Variants in PRELID2 observed in about 807,000 individuals in gnomAD.
PRELID2 encodes the protein PRELI domain containing 2, also known as PRELI domain-containing protein 2.
In PRELID2, 25 loss-of-function variants were observed where a neutral mutation model predicts 28.4. That is an observed-to-expected ratio of 0.88 (90% CI 0.64 to 1.23). PRELID2 has a LOEUF of 1.23. PRELID2 is among the 50% of genes most tolerant of loss of function. The pLI is 0.00. For synonymous variants in PRELID2, 76 were observed against 71.6 expected (o/e 1.06, Z -0.31); for missense variants, 201 against 214.4 (o/e 0.94, Z 0.39).
At chr5:145,364,791 A>G in the PRELID2 span, among the ~76,000 whole-genome samples, 1 of 152,012 alleles carries the variant, frequency 6.6e-6, no homozygotes, top group Non-Finnish European at 1.5e-5. Context: ...GCTGGGTGGT[A>G]AAAAGCACTG....
chr5:145,588,879 T>TA (rs10707481), intron 1 of PRELID2, among the ~76,000 whole-genome samples: 15,023 of 141,014 alleles, frequency 0.11, 821 homozygotes, highest in Non-Finnish European at 0.13. Context: ...TTTTTATTGG[T>TA]AAAAAAAAAA....
chr5:145,413,457 T>C, the PRELID2 span, among the ~76,000 whole-genome samples: 1 of 152,198 alleles, frequency 6.6e-6, no homozygotes, highest in African/African-American at 2.4e-5. Context: ...AACTACCATT[T>C]GATCCAGAAT....
the PRELID2 span, among the ~76,000 whole-genome samples, chr5:145,295,742 T>C: frequency 6.6e-6 from 1 of 152,304 alleles, no homozygotes; most frequent in African/African-American, 2.4e-5. Flanking sequence ...AGCGAATTGA[T>C]GGAAGAGCCA....
chr5:145,810,364 A>C (rs1326920884), intron 4 of PRELID2, among the ~76,000 whole-genome samples: 1 of 152,232 alleles, frequency 6.6e-6, no homozygotes, highest in African/African-American at 2.4e-5. Context: ...TACAACTGCC[A>C]AGATCACTGC....
chr5:145,513,969 C>T (rs1752489151), intron 1 of PRELID2, among the ~76,000 whole-genome samples: 1 of 152,122 alleles, frequency 6.6e-6, no homozygotes, highest in East Asian at 1.9e-4. Context: ...ACCACCAGAC[C>T]TGTCTTACAA....
the PRELID2 span, among the ~76,000 whole-genome samples, chr5:145,236,792 C>A: frequency 1.3e-5 from 2 of 152,232 alleles, no homozygotes; most frequent in South Asian, 4.1e-4. Flanking sequence ...TCCTACATGC[C>A]TTCCACACCT....
intron 1 of PRELID2, among the ~76,000 whole-genome samples, chr5:145,531,592 T>C (rs1432742443): frequency 6.6e-6 from 1 of 152,130 alleles, no homozygotes; most frequent in African/African-American, 2.4e-5. Context: ...AGACAAGGAA[T>C]CTGGAAGGCC....
intron 1 of PRELID2, among the ~76,000 whole-genome samples, chr5:145,696,134 C>CT (rs1755256133): frequency 7.1e-6 from 1 of 141,490 alleles, no homozygotes; most frequent in Non-Finnish European, 1.5e-5. Flanking sequence ...GTTTCTGGCA[C>CT]ATAGTGAGCA....
At chr5:145,239,106 C>T in the PRELID2 span, among the ~76,000 whole-genome samples, 3 of 152,004 alleles carry the variant, frequency 2.0e-5, no homozygotes, top group African/African-American at 4.8e-5. Context: ...ATGAGCTCTA[C>T]GAGGGCAAGT....
intron 1 of PRELID2, among the ~76,000 whole-genome samples, chr5:145,678,960 A>C (rs1367804124): frequency 3.9e-5 from 6 of 152,198 alleles, no homozygotes; most frequent in Admixed American, 3.3e-4. Flanking sequence ...CATGAAATTC[A>C]TGTTGTCCTC....
chr5:145,618,341 CTGT>C (rs1561521538), intron 1 of PRELID2, among the ~76,000 whole-genome samples: 2 of 152,052 alleles, frequency 1.3e-5, no homozygotes, highest in Non-Finnish European at 1.5e-5. Flanking sequence ...GGGCTGAAGG[CTGT>C]TGTTCAGATT....
At chr5:145,631,188 A>T (rs757379871) in intron 1 of PRELID2, among the ~76,000 whole-genome samples, 11 of 152,140 alleles carry the variant, frequency 7.2e-5, no homozygotes, top group Non-Finnish European at 1.3e-4. Flanking sequence ...GAGTCCACTG[A>T]TCCCCCAACC....
At chr5:145,387,431 TAAGAA>T in the PRELID2 span, among the ~76,000 whole-genome samples, 3 of 152,140 alleles carry the variant, frequency 2.0e-5, no homozygotes, top group African/African-American at 7.2e-5. Flanking sequence ...TTACATTAGT[TAAGAA>T]AAGAGCCTCA....
At chr5:145,292,183 G>A in the PRELID2 span, among the ~76,000 whole-genome samples, 2 of 151,958 alleles carry the variant, frequency 1.3e-5, no homozygotes, top group South Asian at 2.1e-4. Context: ...ACCTCTAGGC[G>A]ACGAGGAAGA....
chr5:145,565,165 A>T (rs1216535410), intron 1 of PRELID2, among the ~76,000 whole-genome samples: 2 of 152,232 alleles, frequency 1.3e-5, no homozygotes, highest in Admixed American at 6.5e-5. Context: ...TTTGCCATTT[A>T]AACAGCAGTG....
intron 5 of PRELID2, among the ~76,000 whole-genome samples, chr5:145,785,762 A>G (rs1751953218): frequency 1.3e-5 from 2 of 152,218 alleles, no homozygotes; most frequent in South Asian, 4.1e-4. Flanking sequence ...ATTCTAAACA[A>G]GCACCCATCC....
At chr5:145,755,691 T>C (rs1467968762), downstream of PRELID2, among the ~76,000 whole-genome samples, 3 of 152,238 alleles carry the variant, frequency 2.0e-5, no homozygotes, top group Non-Finnish European at 4.4e-5. Context: ...CATTTTCCTA[T>C]GAACTTTTTA....
chr5:145,402,219 G>A, the PRELID2 span, among the ~76,000 whole-genome samples: 1 of 152,128 alleles, frequency 6.6e-6, no homozygotes, highest in South Asian at 2.1e-4. Flanking sequence ...CAAAGATGCA[G>A]AGACTTTTTC....
rs199568370 is a variant in PRELID2, at chr5:145,757,816, GAAA to G, written c.*2717_*2719del. Reference sequence around the variant, plus strand: ...GACCCTATCTCAAAAAAAAGTAAATGAAAAAAAAAAAAAAAAAGACCATAAAAT... The same window carrying G: ...GACCCTATCTCAAAAAAAAGTAAATGAAAAAAAAAAAAAAGACCATAAAAT... On this transcript the variant is annotated 3_prime_UTR_variant, in exon 7 of 7. Transcript: ENST00000683046. Among the ~76,000 whole-genome samples, 4 of 55,072 alleles carry G rather than the reference GAAA, an allele frequency of 7.3e-5. No homozygotes were observed. Among genetic ancestry groups the G allele is most frequent in the Admixed American group, 3.6e-4 (2 of 5,488 alleles). The allele number at this position is 55,072 out of a possible 152,430, so 36.1% of individuals were successfully genotyped here.
Sources: gnomAD v4.1 joint callset for allele counts (sites outside exome capture counted in the v4.1 genomes callset) on GRCh38, gnomAD v4.1.1 for gene constraint, MANE v1.5 for transcripts, NCBI Gene and HGNC (gene_info 2026-07-23, HGNC 2026-07-21) for gene names.